SCML2: variants seen among roughly 807,000 people sequenced by gnomAD.
SCML2 encodes the protein sex comb on midleg-like protein 2.
A neutral mutation model predicts 48.4 loss-of-function variants in SCML2; 6 were observed. The observed-to-expected ratio is 0.12, with a 90% CI of 0.07 to 0.24. The LOEUF is 0.24. Among genes scored for constraint, SCML2 ranks in the 10% least tolerant of loss-of-function variants. SCML2 has a pLI of 1.00. For missense variants in SCML2, 377 were observed against 528.2 expected, an observed-to-expected ratio of 0.71 and a Z score of 2.81; for synonymous variants, 181 against 189.5, an observed-to-expected ratio of 0.95 and a Z score of 0.37.
intron 2 of SCML2, among the ~76,000 whole-genome samples, chrX:18,331,259 C>CAA (rs35589774): frequency 0.091 from 1,476 of 16,254 alleles, 483 homozygotes; most frequent in Middle Eastern, 0.17. Flanking sequence ...GACTCCGTCT[C>CAA]AAAAAAAAAA....
intron 7 of SCML2, among the ~76,000 whole-genome samples, chrX:18,270,961 CTTCAGCTTA>C (rs1927438677): frequency 9.0e-6 from 1 of 111,637 alleles, no homozygotes; most frequent in African/African-American, 3.3e-5. Context: ...TTACCTGGTT[CTTCAGCTTA>C]TCTTCAGACA....
At position 18,246,739 on chromosome X, in the gene SCML2, A is replaced by C; in HGVS notation, c.1660T>G (p.Tyr554Asp). Residue 554 changes from tyrosine (Y) to aspartate (D), a missense_variant, in exon 13 of 15, where the codon TAT becomes GAT. Physicochemically the swap from Tyr to Asp is radical, Grantham distance 160. Transcript: ENST00000251900. Reference sequence around the variant, plus strand: ...GGATTTCTACAGGCAGGATTCAAATAATTTCCTGAATTTAGTGATGAGCTC... The same window carrying C: ...GGATTTCTACAGGCAGGATTCAAATCATTTCCTGAATTTAGTGATGAGCTC... ...SKSSSLNSGNYLNPACRNPMY... is the reference protein window; with the variant it reads ...SKSSSLNSGNDLNPACRNPMY... 1 of 1,206,076 alleles carries C rather than the reference A, an allele frequency of 8.3e-7. No homozygotes were observed. The highest frequency in any genetic ancestry group is 2.2e-5 in the Admixed American group (1 of 45,899).
chrX:18,269,077 T>C (rs1927358577), intron 7 of SCML2, among the ~76,000 whole-genome samples: 1 of 112,337 alleles, frequency 8.9e-6, no homozygotes, highest in African/African-American at 3.2e-5. Flanking sequence ...TCAATTTCCT[T>C]ATTATTCCAT....
chrX:18,348,882 CCTT>C (rs1305760631), intron 1 of SCML2, among the ~76,000 whole-genome samples: 2 of 111,580 alleles, frequency 1.8e-5, no homozygotes, highest in Admixed American at 9.6e-5. Context: ...TATAATCAAA[CCTT>C]AAACCAGCTA....
intron 7 of SCML2, among the ~76,000 whole-genome samples, chrX:18,276,020 C>T (rs180896804): frequency 3.6e-5 from 4 of 112,114 alleles, no homozygotes; most frequent in African/African-American, 6.5e-5. Context: ...GTTTAGCAGC[C>T]GGGCGCAGTG....
intron 1 of SCML2, among the ~76,000 whole-genome samples, chrX:18,334,565 G>A (rs1390335183): frequency 9.0e-6 from 1 of 111,187 alleles, no homozygotes; most frequent in African/African-American, 3.3e-5. Context: ...TGACCGTGTT[G>A]GGAAAACCTG....
At chrX:18,310,428 G>A (rs1037916926) in intron 6 of SCML2, among the ~76,000 whole-genome samples, 2 of 108,570 alleles carry the variant, frequency 1.8e-5, no homozygotes, top group African/African-American at 6.7e-5. Flanking sequence ...ACCACACGTG[G>A]CTAATTTTTG....
chrX:18,315,101 CAAAAAAAAAA>C (rs761378739), intron 6 of SCML2, among the ~76,000 whole-genome samples: 2 of 23,446 alleles, frequency 8.5e-5, no homozygotes, highest in African/African-American at 1.4e-4. Context: ...TCTGTCTCAC[CAAAAAAAAAA>C]AAAAAAAAAA....
chrX:18,264,450 T>C (rs576520117), intron 8 of SCML2, among the ~76,000 whole-genome samples: 2 of 103,692 alleles, frequency 1.9e-5, no homozygotes, highest in Non-Finnish European at 2.0e-5. Flanking sequence ...TGTGTGTGTG[T>C]GTGTGTGTGT....
intron 6 of SCML2, among the ~76,000 whole-genome samples, chrX:18,309,972 G>C (rs1928893867): frequency 9.0e-6 from 1 of 111,359 alleles, no homozygotes; most frequent in African/African-American, 3.3e-5. Flanking sequence ...ATCAACAGGT[G>C]AATAAAGAAA....
chrX:18,265,498 A>T, intron 8 of SCML2, 87 bp downstream of exon 8: 1 of 707,392 alleles, frequency 1.4e-6, no homozygotes, highest in East Asian at 3.2e-5. Flanking sequence ...CCCTCATCAT[A>T]CTCTTAGTAA....
intron 11 of SCML2, among the ~76,000 whole-genome samples, chrX:18,255,186 C>G (rs1052454863): frequency 1.8e-4 from 20 of 111,971 alleles, no homozygotes; most frequent in Non-Finnish European, 7.5e-5. Flanking sequence ...TAACAGCTAC[C>G]TTTTATTGCT....
intron 6 of SCML2, among the ~76,000 whole-genome samples, chrX:18,305,918 A>G (rs1928742100): frequency 9.0e-6 from 1 of 111,475 alleles, no homozygotes; most frequent in African/African-American, 3.3e-5. Flanking sequence ...AGGATTGCTA[A>G]AAAGCCCAAG....
At chrX:18,258,484 A>C (rs1245142273) in intron 9 of SCML2, among the ~76,000 whole-genome samples, 2 of 111,961 alleles carry the variant, frequency 1.8e-5, no homozygotes, top group Non-Finnish European at 3.8e-5. Context: ...ATTTTTTAGA[A>C]TCTTGTCCAA....
intron 7 of SCML2, among the ~76,000 whole-genome samples, chrX:18,277,652 A>AT (rs1191727079): frequency 4.5e-5 from 5 of 112,051 alleles, no homozygotes; most frequent in African/African-American, 9.7e-5. Context: ...AGATCTTTTA[A>AT]TCAAAATATT....
chrX:18,294,418 C>CA (rs750099007), intron 7 of SCML2, among the ~76,000 whole-genome samples: 10 of 110,961 alleles, frequency 9.0e-5, no homozygotes, highest in Non-Finnish European at 1.7e-4. Flanking sequence ...TCAATATTCC[C>CA]ACCATGGACT....
intron 7 of SCML2, 128 bp from the exon 8 acceptor site, chrX:18,265,930 A>C (rs1927245521): frequency 2.3e-6 from 1 of 434,668 alleles, no homozygotes; most frequent in African/African-American, 2.5e-5. Flanking sequence ...AAAACCACTT[A>C]AAACTAAAAG....
chrX:18,312,707 A>T (rs1206827313), intron 6 of SCML2, among the ~76,000 whole-genome samples: 1 of 110,493 alleles, frequency 9.1e-6, no homozygotes, highest in African/African-American at 3.3e-5. Context: ...AGCAACTAGA[A>T]AGATAGTTTC....
chrX:18,261,654 G>C (rs72616060), intron 8 of SCML2, among the ~76,000 whole-genome samples: 1 of 109,451 alleles, frequency 9.1e-6, no homozygotes, highest in East Asian at 2.8e-4. Context: ...TGTTTTCAAA[G>C]AGAGCTCTCC....
Sources: allele counts gnomAD v4.1 joint callset (sites outside exome capture counted in the v4.1 genomes callset), GRCh38; gene constraint gnomAD v4.1.1; transcripts MANE v1.5; gene names NCBI Gene and HGNC (gene_info 2026-07-23, HGNC 2026-07-21).